Variants in RANBP10 observed in about 807,000 individuals in gnomAD.
RANBP10 encodes the protein RAN binding protein 10, also known as ran-binding protein 10.
RANBP10 carries 24 observed loss-of-function variants against 72.8 expected under a neutral mutation model. The observed-to-expected ratio is 0.33, with a 90% CI of 0.24 to 0.46. The LOEUF is 0.46. Among genes scored for constraint, RANBP10 ranks in the 20% least tolerant of loss-of-function variants. RANBP10 has a pLI of 1.00. For missense variants in RANBP10, 679 were observed against 817.5 expected, an observed-to-expected ratio of 0.83 and a Z score of 2.07; for synonymous variants, 310 against 322.3, an observed-to-expected ratio of 0.96 and a Z score of 0.41.
At chr16:67,783,312 C>T (rs937523320) in intron 2 of RANBP10, among the ~76,000 whole-genome samples, 2 of 152,198 alleles carry the variant, frequency 1.3e-5, no homozygotes, top group African/African-American at 4.8e-5. Context: ...ACTCTCACAC[C>T]TCCCAGATAT....
At chr16:67,732,876 T>C (rs2053761116) in intron 6 of RANBP10, among the ~76,000 whole-genome samples, 1 of 149,996 alleles carries the variant, frequency 6.7e-6, no homozygotes, top group South Asian at 2.1e-4. Context: ...TGGAATGCCA[T>C]CTCTACTAAA....
intron 3 of RANBP10, among the ~76,000 whole-genome samples, chr16:67,745,073 G>A (rs1037529051): frequency 1.3e-5 from 2 of 151,354 alleles, no homozygotes; most frequent in African/African-American, 4.9e-5. Flanking sequence ...CTCGTGATCC[G>A]CCCGCCTCAG....
At chr16:67,754,397 C>A (rs1269592907) in intron 3 of RANBP10, among the ~76,000 whole-genome samples, 1 of 152,138 alleles carries the variant, frequency 6.6e-6, no homozygotes, top group African/African-American at 2.4e-5. Context: ...CTGATACATA[C>A]AATGGTTTTC....
At chr16:67,773,782 C>T (rs554291503) in intron 2 of RANBP10, among the ~76,000 whole-genome samples, 1 of 152,314 alleles carries the variant, frequency 6.6e-6, no homozygotes, top group Admixed American at 6.5e-5. Flanking sequence ...AACTTGTCTT[C>T]TGCTTTGTTT....
chr16:67,727,263 C>T, intron 13 of RANBP10, 64 bp downstream of exon 13: 4 of 1,454,790 alleles, frequency 2.7e-6, no homozygotes, highest in Non-Finnish European at 3.7e-6. Flanking sequence ...TGTGCCACTG[C>T]ACTCCAGCTT....
chr16:67,742,566 T>A (rs889582489), intron 4 of RANBP10, among the ~76,000 whole-genome samples: 1 of 152,152 alleles, frequency 6.6e-6, no homozygotes, highest in African/African-American at 2.4e-5. Flanking sequence ...AAAGTGGCCA[T>A]CTGCTCTCTA....
chr16:67,777,361 C>T (rs2054725864), intron 2 of RANBP10, among the ~76,000 whole-genome samples: 3 of 151,728 alleles, frequency 2.0e-5, no homozygotes, highest in African/African-American at 7.3e-5. Flanking sequence ...ATGGTAAAAC[C>T]CCGTCTCTAC....
Position 67,789,476 on chromosome 16 carries a change from TC to T in RANBP10, c.347+15951del, listed in dbSNP as rs945853346. Among the ~76,000 whole-genome samples, 18 of 148,630 alleles carry T rather than the reference TC, an allele frequency of 1.2e-4. 1 individual carries two copies. The highest frequency in any genetic ancestry group is 4.7e-4 in the African/African-American group (18 of 38,410). ...CTGGGCAACAGAACAAGACCATATTTCTTTTTTTTTTGAGATGGAGTCTCAC... is the reference window on the plus strand; with the variant it reads ...CTGGGCAACAGAACAAGACCATATTTTTTTTTTTTTGAGATGGAGTCTCAC... On this transcript the variant is annotated intron_variant, in intron 2 of 13. Transcript: ENST00000317506.
chr16:67,784,044 C>CA (rs747315565), intron 2 of RANBP10, among the ~76,000 whole-genome samples: 1,218 of 49,412 alleles, frequency 0.025, 23 homozygotes, highest in Middle Eastern at 0.061. Flanking sequence ...GACTCCGTCT[C>CA]AAAAAAAAAA....
intron 2 of RANBP10, among the ~76,000 whole-genome samples, chr16:67,789,776 T>C (rs1441406126): frequency 6.6e-6 from 1 of 150,506 alleles, no homozygotes; most frequent in African/African-American, 2.4e-5. Context: ...CAGACAACCA[T>C]ATATCTTAAA....
chr16:67,752,201 G>A (rs1156986113), intron 3 of RANBP10, among the ~76,000 whole-genome samples: 1 of 152,194 alleles, frequency 6.6e-6, no homozygotes, highest in African/African-American at 2.4e-5. Context: ...ACCTTTCATG[G>A]TAAAAAGGAT....
chr16:67,802,140 G>C (rs2055246129), intron 2 of RANBP10, among the ~76,000 whole-genome samples: 1 of 151,666 alleles, frequency 6.6e-6, no homozygotes, highest in South Asian at 2.1e-4. Context: ...TGAGCCAGTT[G>C]ATGTCTGCCT....
chr16:67,796,984 T>C (rs1291722063), intron 2 of RANBP10, among the ~76,000 whole-genome samples: 1 of 152,172 alleles, frequency 6.6e-6, no homozygotes, highest in Non-Finnish European at 1.5e-5. Flanking sequence ...ATGAGTCCCT[T>C]CTTTCCAACT....
intron 2 of RANBP10, among the ~76,000 whole-genome samples, chr16:67,781,951 G>A (rs1473870398): frequency 6.6e-6 from 1 of 151,996 alleles, no homozygotes; most frequent in Non-Finnish European, 1.5e-5. Flanking sequence ...CTGGCAGGGG[G>A]TCCATGCTGC....
At chr16:67,738,795 G>A (rs2053908946) in intron 4 of RANBP10, 1 of 152,146 alleles carries the variant, frequency 6.6e-6, no homozygotes, top group Non-Finnish European at 1.5e-5. Flanking sequence ...TCTCTTCACT[G>A]GCGGCCTGGC....
intron 3 of RANBP10, among the ~76,000 whole-genome samples, chr16:67,753,086 CA>C (rs1212784543): frequency 6.7e-6 from 1 of 149,418 alleles, no homozygotes; most frequent in Non-Finnish European, 1.5e-5. Flanking sequence ...CAAAAAAATA[CA>C]AAAACTAGCT....
At position 67,772,107 on chromosome 16, in the gene RANBP10, A is replaced by C. The variant is rs750524122; in HGVS notation, c.348-21T>G. 12 of 1,593,346 alleles carry C rather than the reference A, an allele frequency of 7.5e-6. No homozygotes were observed. In the East Asian group the frequency reaches 1.6e-4, roughly 21 times the overall value. On this transcript the variant is annotated intron_variant, in intron 2 of 13. Transcript: ENST00000317506. Reference sequence around the variant, plus strand: ...TGTAACTTCAAAAAAAAAAAAAAAAAAAACACAAAATTTTTGGTTAGCAAA... The same window carrying C: ...TGTAACTTCAAAAAAAAAAAAAAAACAAACACAAAATTTTTGGTTAGCAAA...
At chr16:67,777,270 C>T (rs538955103) in intron 2 of RANBP10, among the ~76,000 whole-genome samples, 15 of 152,216 alleles carry the variant, frequency 9.9e-5, no homozygotes, top group African/African-American at 3.1e-4. Context: ...GGCGCGGTGG[C>T]TCACGCCTAT....
intron 4 of RANBP10, among the ~76,000 whole-genome samples, chr16:67,743,104 C>T (rs1227027076): frequency 1.3e-5 from 2 of 152,252 alleles, no homozygotes; most frequent in African/African-American, 4.8e-5. Flanking sequence ...GCAGCCCCAG[C>T]CATCAGCACT....
Sources: gnomAD v4.1 joint callset for allele counts (sites outside exome capture counted in the v4.1 genomes callset) on GRCh38, gnomAD v4.1.1 for gene constraint, MANE v1.5 for transcripts, NCBI Gene and HGNC (gene_info 2026-07-23, HGNC 2026-07-21) for gene names.